The following GABRB3 variants were observed in gnomAD, a reference collection of about 807,000 sequenced individuals.
GABRB3 encodes gamma-aminobutyric acid receptor subunit beta-3.
In GABRB3, 14 loss-of-function variants were observed where a neutral mutation model predicts 52.1. The observed-to-expected ratio is 0.27, with a 90% CI of 0.18 to 0.42. The LOEUF (loss-of-function observed/expected upper bound fraction) is 0.42. Ranked by LOEUF, GABRB3 falls within the 10% of genes least tolerant of loss-of-function variation. The pLI is 1.00. For synonymous variants in GABRB3, 260 were observed against 232.3 expected, an observed-to-expected ratio of 1.12 and a Z score of -1.08; for missense variants, 307 against 609.1, an observed-to-expected ratio of 0.50 and a Z score of 5.22.
chr15:26,580,693 G>T (rs1890757590), intron 5 of GABRB3: 1 of 596,418 alleles, frequency 1.7e-6, no homozygotes, highest in South Asian at 1.8e-5. Context: ...GGGAGAATGG[G>T]TGCTCTGACC....
At chr15:26,569,482 A>T (rs1890312351) in intron 6 of GABRB3, 1 of 152,236 alleles carries the variant, frequency 6.6e-6, no homozygotes, top group African/African-American at 2.4e-5. Flanking sequence ...GATTCTTCCT[A>T]ATGATCCATC....
Position 26,580,464 on chromosome 15 carries a change from G to C in GABRB3, c.545-8C>G, listed in dbSNP as rs1217792934. On this transcript the variant is annotated splice_region_variant and splice_polypyrimidine_tract_variant and intron_variant, in intron 5 of 8. Coordinates refer to ENST00000311550, the MANE Select transcript of GABRB3 (RefSeq NM_000814.6). ...CATCCGTGGTGTAGCCATCTGCCAAGAGAGAAGCAGGGAGACAGCAAACAT... is the reference window on the plus strand; with the variant it reads ...CATCCGTGGTGTAGCCATCTGCCAACAGAGAAGCAGGGAGACAGCAAACAT... 1.2e-6 allele frequency: 2 copies of C among 1,614,174 alleles called. No homozygotes were observed. The highest frequency in any genetic ancestry group is 3.3e-5 in the Admixed American group (2 of 60,024).
Position 26,547,846 on chromosome 15 carries a change from GA to G in GABRB3, c.1368del (p.Pro457HisfsTer9). The G allele has an allele frequency of 6.2e-7, 1 of 1,614,076 alleles. No homozygotes were observed. The highest frequency in any genetic ancestry group is 8.5e-7 in the Non-Finnish European group (1 of 1,180,018). On this transcript the variant is annotated frameshift_variant, in exon 9 of 9. Transcript: ENST00000311550. LOFTEE classifies it high-confidence loss of function. Reference sequence around the variant, plus strand: ...AAGTTGAAAAGAGAAAAAGTGAATGGAAACACGATCCTGGACCATCTGTCTA... The same window carrying G: ...AAGTTGAAAAGAGAAAAAGTGAATGGAACACGATCCTGGACCATCTGTCTA... ...NAIDRWSRIVFPFTFSLFNLV... is the reference protein window; with the variant it reads ...NAIDRWSRIVXPFTFSLFNLV...
intron 6 of GABRB3, among the ~76,000 whole-genome samples, chr15:26,571,960 C>T (rs938359878): frequency 6.8e-6 from 1 of 146,144 alleles, no homozygotes; most frequent in African/African-American, 2.5e-5. Flanking sequence ...GGCAGGAGAT[C>T]GTTTGAACCT....
At chr15:26,592,727 G>A (rs1453857747) in intron 4 of GABRB3, among the ~76,000 whole-genome samples, 1 of 152,116 alleles carries the variant, frequency 6.6e-6, no homozygotes, top group Non-Finnish European at 1.5e-5. Flanking sequence ...GGGCACATAC[G>A]TTATTAAAGG....
At chr15:26,754,413 G>A (rs577658054) in intron 3 of GABRB3, among the ~76,000 whole-genome samples, 2 of 152,166 alleles carry the variant, frequency 1.3e-5, no homozygotes, top group Non-Finnish European at 2.9e-5. Context: ...TTTCACCAAG[G>A]TGCTGCTTTT....
chr15:26,732,153 GATGGATGGATGGATCA>G (rs1889936711), intron 3 of GABRB3, among the ~76,000 whole-genome samples: 1 of 151,968 alleles, frequency 6.6e-6, no homozygotes, highest in Admixed American at 6.5e-5. Flanking sequence ...TGGATGGAAG[GATGGATGGATGGATCA>G]ATGGATGGGT....
Position 26,661,412 on chromosome 15 carries a change from T to C in GABRB3, c.241-39878A>G, listed in dbSNP as rs1466633721. 2.0e-5 allele frequency among the ~76,000 whole-genome samples: 3 copies of C among 152,200 alleles called. No homozygotes were observed. In the East Asian group the frequency reaches 5.8e-4, roughly 29 times the overall value. The stretch of plus-strand genomic sequence containing the variant: ...TTAAGTATCTAACACACTTGGTATC[T>C]GAGAGCCAAGTCAAATTAAAGTTTC... On this transcript the variant is annotated intron_variant, in intron 3 of 8. Transcript: ENST00000311550.
At chr15:26,666,201 T>C (rs1846776683) in intron 3 of GABRB3, among the ~76,000 whole-genome samples, 1 of 152,194 alleles carries the variant, frequency 6.6e-6, no homozygotes, top group African/African-American at 2.4e-5. Flanking sequence ...GGGAAATGAA[T>C]TGTTCAGATG....
intron 4 of GABRB3, among the ~76,000 whole-genome samples, chr15:26,617,647 G>A (rs1301727135): frequency 6.6e-6 from 1 of 151,682 alleles, no homozygotes; most frequent in Non-Finnish European, 1.5e-5. Flanking sequence ...TCAACATAGT[G>A]TTGGAAGTTC....
At chr15:26,581,537 T>C (rs975961735) in intron 5 of GABRB3, among the ~76,000 whole-genome samples, 3 of 152,160 alleles carry the variant, frequency 2.0e-5, no homozygotes, top group Middle Eastern at 3.2e-3. Context: ...ACAAACTCCT[T>C]ACAAGAACCT....
In GABRB3 at chr15:26,602,488, T is replaced by C. The variant is rs149474060; in HGVS notation, c.461+18826A>G. Among the ~76,000 whole-genome samples, 31 of 152,250 alleles carry C rather than the reference T, an allele frequency of 2.0e-4. No individual in the cohort carries two copies. In the East Asian group the frequency reaches 4.8e-3, roughly 24 times the overall value. ...TTTCTTCTCAGCACTTGGATCATTC[T>C]TAGGGATAGATCATATGTTAGGGTC... is the stretch of plus-strand genomic sequence containing the variant. On this transcript the variant is annotated intron_variant, in intron 4 of 8. Transcript: ENST00000311550.
chr15:26,716,484 C>A (rs891867411), intron 3 of GABRB3: 35 of 555,734 alleles, frequency 6.3e-5, no homozygotes, highest in African/African-American at 6.0e-4. Flanking sequence ...TTCACAATTG[C>A]CATGAAGAAA....
At chr15:26,736,963 G>A (rs1006110578) in intron 3 of GABRB3, among the ~76,000 whole-genome samples, 2 of 152,210 alleles carry the variant, frequency 1.3e-5, no homozygotes, top group South Asian at 4.1e-4. Flanking sequence ...GAGGGCAGCT[G>A]GCAAAGCACA....
At chr15:26,679,019 A>G (rs943727457) in intron 3 of GABRB3, among the ~76,000 whole-genome samples, 2 of 152,318 alleles carry the variant, frequency 1.3e-5, no homozygotes, top group East Asian at 3.9e-4. Flanking sequence ...CCCTCTAGGC[A>G]GGTCTCTATG....
intron 4 of GABRB3, among the ~76,000 whole-genome samples, chr15:26,592,351 G>C (rs1891238558): frequency 6.6e-6 from 1 of 152,146 alleles, no homozygotes; most frequent in Admixed American, 6.6e-5. Context: ...CATCCATATT[G>C]GCACTAGAAA....
At chr15:26,689,890 T>C (rs1038181766) in intron 3 of GABRB3, among the ~76,000 whole-genome samples, 7 of 152,044 alleles carry the variant, frequency 4.6e-5, no homozygotes, top group Non-Finnish European at 1.0e-4. Flanking sequence ...GTGCCTGATC[T>C]CCCCTCCTGC....
intron 6 of GABRB3, among the ~76,000 whole-genome samples, chr15:26,579,807 G>A (rs1890722530): frequency 6.6e-6 from 1 of 152,180 alleles, no homozygotes; most frequent in Admixed American, 6.5e-5. Flanking sequence ...CCCAGGCTAA[G>A]GCAACCTTCA....
At chr15:26,640,055 G>C (rs1893157512) in intron 3 of GABRB3, among the ~76,000 whole-genome samples, 1 of 152,066 alleles carries the variant, frequency 6.6e-6, no homozygotes. Context: ...AATAAAGCAG[G>C]GCACTCCCTC....
Sources: allele counts gnomAD v4.1 joint callset (sites outside exome capture counted in the v4.1 genomes callset), GRCh38; gene constraint gnomAD v4.1.1; transcripts MANE v1.5; gene names NCBI Gene and HGNC (gene_info 2026-07-23, HGNC 2026-07-21).